The following TANC2 variants were observed in gnomAD, a reference collection of about 807,000 sequenced individuals.
The protein encoded by TANC2 is tetratricopeptide repeat, ankyrin repeat and coiled-coil containing 2.
TANC2 carries 26 observed loss-of-function variants against 210.5 expected under a neutral mutation model. The observed-to-expected ratio is 0.12, with a 90% CI of 0.09 to 0.17. The LOEUF (loss-of-function observed/expected upper bound fraction) is 0.17. Among genes scored for constraint, TANC2 ranks in the 10% least tolerant of loss-of-function variants. The pLI, the probability that TANC2 is intolerant of heterozygous loss-of-function variation, is 1.00. For synonymous variants in TANC2, 931 were observed against 967.1 expected (o/e 0.96, Z 0.69); for missense variants, 2,129 against 2,608.9 (o/e 0.82, Z 4.01).
intron 4 of TANC2, among the ~76,000 whole-genome samples, chr17:63,145,756 A>G (rs533559493): frequency 6.6e-6 from 1 of 152,226 alleles, no homozygotes; most frequent in East Asian, 1.9e-4. Context: ...ATTGGTCTAT[A>G]TGTCTGTCTT....
At chr17:63,007,460 A>G (rs1182217463) in intron 1 of TANC2, among the ~76,000 whole-genome samples, 1 of 152,214 alleles carries the variant, frequency 6.6e-6, no homozygotes, top group East Asian at 1.9e-4. Flanking sequence ...AGTAATGGAT[A>G]TAATTTGAGT....
At chr17:63,331,172 A>G (rs969654671) in intron 11 of TANC2, among the ~76,000 whole-genome samples, 1 of 152,260 alleles carries the variant, frequency 6.6e-6, no homozygotes, top group African/African-American at 2.4e-5. Context: ...ACACATGCAT[A>G]ATATTCTACC....
intron 25 of TANC2, among the ~76,000 whole-genome samples, chr17:63,413,965 T>C (rs181245612): frequency 9.2e-5 from 14 of 152,328 alleles, no homozygotes; most frequent in African/African-American, 3.4e-4. Context: ...AGTATAGCTA[T>C]TTCCAGTATG....
At chr17:63,220,507 G>A (rs1282943480) in intron 7 of TANC2, among the ~76,000 whole-genome samples, 1 of 151,350 alleles carries the variant, frequency 6.6e-6, no homozygotes, top group Non-Finnish European at 1.5e-5. Flanking sequence ...TTCGAGACCA[G>A]CCTGGCCAGC....
At chr17:62,972,131 C>T (rs1478804109) in intron 1 of TANC2, among the ~76,000 whole-genome samples, 2 of 151,818 alleles carry the variant, frequency 1.3e-5, no homozygotes, top group African/African-American at 4.8e-5. Flanking sequence ...AACTATAATA[C>T]CATAATTTTT....
intron 25 of TANC2, among the ~76,000 whole-genome samples, chr17:63,415,321 C>A (rs949089121): frequency 1.3e-5 from 2 of 152,224 alleles, no homozygotes; most frequent in Admixed American, 1.3e-4. Flanking sequence ...ATCCCCTCAA[C>A]CTTGCCTTTC....
intron 4 of TANC2, chr17:63,130,873 C>T (rs972765892): frequency 6.6e-6 from 1 of 152,122 alleles, no homozygotes; most frequent in East Asian, 1.9e-4. Context: ...CCTTGATATG[C>T]AAAGACACCA....
intron 2 of TANC2, among the ~76,000 whole-genome samples, chr17:63,014,445 T>A (rs994447100): frequency 2.6e-5 from 4 of 152,208 alleles, no homozygotes; most frequent in Non-Finnish European, 4.4e-5. Context: ...TTGTAATTTT[T>A]TGTTGAAGCC....
chr17:63,100,342 A>G (rs2037574945), intron 4 of TANC2, among the ~76,000 whole-genome samples: 1 of 152,134 alleles, frequency 6.6e-6, no homozygotes. Context: ...CAAAGCATAA[A>G]TTATGCCTCT....
At chr17:63,203,792 C>A (rs1489004457) in intron 7 of TANC2, among the ~76,000 whole-genome samples, 6 of 149,504 alleles carry the variant, frequency 4.0e-5, no homozygotes, top group Non-Finnish European at 1.5e-5. Context: ...CAGTGGACAC[C>A]AAAAAAAAAG....
At position 63,338,160 on chromosome 17, in the gene TANC2, G is replaced by A. The variant is rs118092932; in HGVS notation, c.1576-1941G>A. On this transcript the variant is annotated intron_variant, in intron 11 of 27. Transcript: ENST00000689528. The stretch of plus-strand genomic sequence containing the variant: ...AGTAATGGGATTGCTGAGTTGAACG[G>A]TAGTTCTGTTTTAGGTCTTTGAGGA... Among the ~76,000 whole-genome samples, 393 of 152,254 alleles carry A rather than the reference G, an allele frequency of 2.6e-3. 10 individuals carry two copies. In the East Asian group the frequency reaches 0.061, roughly 24 times the overall value.
intron 7 of TANC2, among the ~76,000 whole-genome samples, chr17:63,216,347 C>A (rs1221808640): frequency 6.6e-6 from 1 of 152,222 alleles, no homozygotes; most frequent in African/African-American, 2.4e-5. Context: ...CCATGCCCGG[C>A]CAGCTCCACA....
chr17:63,267,211 A>G (rs531211554), intron 8 of TANC2, among the ~76,000 whole-genome samples: 2 of 152,304 alleles, frequency 1.3e-5, no homozygotes, highest in Admixed American at 6.5e-5. Flanking sequence ...ACATTTTTGT[A>G]AAATGAATTT....
chr17:63,178,808 T>C lies in TANC2; in HGVS notation c.434-15183T>C, dbSNP rs569603256. The stretch of plus-strand genomic sequence containing the variant: ...TTAAGAGAGTCTGGGGAACTAGAGA[T>C]ATAGTGTTTGTGTATTATTTGTGTG... On this transcript the variant is annotated intron_variant, in intron 5 of 27. Transcript: ENST00000689528. Among the ~76,000 whole-genome samples the C allele has an allele frequency of 6.6e-5, 10 of 152,332 alleles. No individual in the cohort carries two copies. The South Asian group carries it at 2.1e-3, about 32-fold the overall frequency.
rs536097415 is a variant in TANC2 at position 62,991,121 on chromosome 17, G to A, written c.-23-18416G>A. ...TTTGTATTTTATGTGGAATCAGAGAGCAAAGGGGCAAGGGAGTTTGGGGGT... is the reference window on the plus strand; with the variant it reads ...TTTGTATTTTATGTGGAATCAGAGAACAAAGGGGCAAGGGAGTTTGGGGGT... On this transcript the variant is annotated intron_variant, in intron 1 of 27. Transcript: ENST00000689528. Among the ~76,000 whole-genome samples the A allele has an allele frequency of 2.6e-5, 4 of 152,234 alleles. No individual in the cohort carries two copies. In the South Asian group the frequency reaches 8.3e-4, roughly 32 times the overall value.
intron 2 of TANC2, among the ~76,000 whole-genome samples, chr17:63,054,275 C>A (rs1264280385): frequency 6.6e-6 from 1 of 152,208 alleles, no homozygotes; most frequent in Non-Finnish European, 1.5e-5. Flanking sequence ...AATAGAAGAG[C>A]TGCTCTTCAT....
intron 2 of TANC2, among the ~76,000 whole-genome samples, chr17:63,047,335 G>A (rs75857906): frequency 0.018 from 2,718 of 152,274 alleles, 35 homozygotes; most frequent in South Asian, 0.026. Context: ...TAAGTATAAA[G>A]TGAGGTAACT....
intron 12 of TANC2, 104 bp downstream of exon 12, chr17:63,340,436 A>C: frequency 9.8e-6 from 9 of 918,884 alleles, no homozygotes; most frequent in Non-Finnish European, 1.5e-5. Flanking sequence ...CCAAAACTAA[A>C]TGTTCCATAG....
chr17:63,355,217 T>C, exon 14 of TANC2: 1 of 1,613,756 alleles, frequency 6.2e-7, no homozygotes, highest in Non-Finnish European at 8.5e-7. Context: ...CCATCAATGC[T>C]GGGAGCATTG....
Sources: gnomAD v4.1 joint callset for allele counts (sites outside exome capture counted in the v4.1 genomes callset) on GRCh38, gnomAD v4.1.1 for gene constraint, MANE v1.5 for transcripts, NCBI Gene and HGNC (gene_info 2026-07-23, HGNC 2026-07-21) for gene names.